MITF: variants seen among roughly 807,000 people sequenced by gnomAD.
MITF encodes microphthalmia-associated transcription factor.
In MITF, 17 loss-of-function variants were observed where a neutral mutation model predicts 60.5. That is an observed-to-expected ratio of 0.28 (90% CI 0.19 to 0.42). The LOEUF (loss-of-function observed/expected upper bound fraction) is 0.42. Among genes scored for constraint, MITF ranks in the 10% least tolerant of loss-of-function variants. MITF has a pLI of 1.00. For synonymous variants in MITF, 260 were observed against 248.5 expected (o/e 1.05, Z -0.43); for missense variants, 622 against 683.5 (o/e 0.91, Z 1.00).
At chr3:69,750,455 A>C (rs970917124) in intron 1 of MITF, among the ~76,000 whole-genome samples, 4 of 148,796 alleles carry the variant, frequency 2.7e-5, no homozygotes, top group Non-Finnish European at 5.9e-5. Flanking sequence ...CTGGCCTGAC[A>C]ATACAAGTGA....
At chr3:69,953,587 G>A (rs994652333) in intron 7 of MITF, among the ~76,000 whole-genome samples, 3 of 147,356 alleles carry the variant, frequency 2.0e-5, no homozygotes, top group Non-Finnish European at 4.5e-5. Flanking sequence ...GTGTATGTGT[G>A]TATATATATA....
At chr3:69,832,690 T>G (rs115218797) in intron 1 of MITF, among the ~76,000 whole-genome samples, 3 of 83,844 alleles carry the variant, frequency 3.6e-5, no homozygotes, top group Non-Finnish European at 5.8e-5. Context: ...AGTGTATGTG[T>G]TTTTTTTGCC....
At chr3:69,863,132 G>A (rs1387502782) in intron 1 of MITF, among the ~76,000 whole-genome samples, 1 of 152,136 alleles carries the variant, frequency 6.6e-6, no homozygotes, top group Non-Finnish European at 1.5e-5. Flanking sequence ...TCAAGCCATG[G>A]ACTGTTTATT....
At position 69,879,327 on chromosome 3, in the gene MITF, GTC is replaced by G; in HGVS notation, c.299_300del (p.Val100GlufsTer18). The G allele has an allele frequency of 6.2e-7, 1 of 1,614,190 alleles. No homozygotes were observed. On this transcript the variant is annotated frameshift_variant, in exon 2 of 10. Coordinates refer to ENST00000352241, the MANE Select transcript of MITF (RefSeq NM_001354604.2). LOFTEE classifies it high-confidence loss of function. The stretch of plus-strand genomic sequence containing the variant: ...CGTGAGTCAGACACCAGCCATAAAC[GTC>G]AGTGTGCCCACCACCCTTCCCTCTG... ...VPVSQTPAINVSVPTTLPSAT... is the reference protein window; with the variant it reads ...VPVSQTPAINXSVPTTLPSAT...
chr3:69,822,918 T>C (rs1275532916), intron 1 of MITF, among the ~76,000 whole-genome samples: 1 of 150,640 alleles, frequency 6.6e-6, no homozygotes, highest in Non-Finnish European at 1.5e-5. Context: ...TTTTTTTTTC[T>C]TGAAAGAGTC....
At chr3:69,910,255 T>G (rs919201108) in intron 2 of MITF, among the ~76,000 whole-genome samples, 5 of 152,218 alleles carry the variant, frequency 3.3e-5, no homozygotes, top group Non-Finnish European at 7.3e-5. Context: ...GAATTGAGGT[T>G]TGGGAACCTT....
chr3:69,796,758 G>A (rs930996202), intron 1 of MITF, among the ~76,000 whole-genome samples: 1 of 151,950 alleles, frequency 6.6e-6, no homozygotes, highest in Admixed American at 6.5e-5. Context: ...CACCCGCCTC[G>A]GCCTCCCAAA....
intron 1 of MITF, among the ~76,000 whole-genome samples, chr3:69,857,259 A>G (rs1304303255): frequency 6.6e-6 from 1 of 152,148 alleles, no homozygotes; most frequent in African/African-American, 2.4e-5. Context: ...AGAGAACCAT[A>G]GAGAGGAAAG....
At chr3:69,939,437 A>G (rs2065920449) in intron 4 of MITF, among the ~76,000 whole-genome samples, 1 of 152,120 alleles carries the variant, frequency 6.6e-6, no homozygotes, top group African/African-American at 2.4e-5. Flanking sequence ...CATAAATTTT[A>G]ATAAGATATG....
At chr3:69,805,378 T>C (rs1396093466) in intron 1 of MITF, among the ~76,000 whole-genome samples, 6 of 152,234 alleles carry the variant, frequency 3.9e-5, no homozygotes, top group Admixed American at 1.3e-4. Flanking sequence ...TTTTTAAGGA[T>C]TTCTTCCTTG....
intron 1 of MITF, among the ~76,000 whole-genome samples, chr3:69,775,006 TG>T (rs2062451345): frequency 6.6e-6 from 1 of 152,206 alleles, no homozygotes; most frequent in Admixed American, 6.5e-5. Flanking sequence ...CCTGCCATCT[TG>T]AACATTTTCC....
intron 1 of MITF, among the ~76,000 whole-genome samples, chr3:69,773,025 G>T (rs932319379): frequency 6.6e-5 from 10 of 152,298 alleles, no homozygotes; most frequent in African/African-American, 2.4e-4. Flanking sequence ...GCATGGCTGG[G>T]TTTGGGGTGA....
At chr3:69,774,470 TGGA>T (rs2062442583) in intron 1 of MITF, among the ~76,000 whole-genome samples, 1 of 152,204 alleles carries the variant, frequency 6.6e-6, no homozygotes, top group Non-Finnish European at 1.5e-5. Flanking sequence ...ATTTCCTCTG[TGGA>T]GAAGTATTGC....
chr3:69,753,617 C>G (rs1350334925), intron 1 of MITF, among the ~76,000 whole-genome samples: 1 of 152,240 alleles, frequency 6.6e-6, no homozygotes, highest in African/African-American at 2.4e-5. Context: ...AGGGGTGGAA[C>G]TGCCCAAGGC....
chr3:69,887,125 T>C lies in MITF; in HGVS notation c.354+7742T>C, dbSNP rs551439719. ...GGAACTTCATTTCTGGTGGTTTTTC[T>C]ATTTGCTTTTAAGTAAATGTCAGTG... On this transcript the variant is annotated intron_variant, in intron 2 of 9. Coordinates refer to ENST00000352241, the MANE Select transcript of MITF (RefSeq NM_001354604.2). Among the ~76,000 whole-genome samples, 8 of 152,240 alleles carry C rather than the reference T, an allele frequency of 5.3e-5. No individual in the cohort carries two copies. The East Asian group carries it at 9.7e-4, about 18-fold the overall frequency.
At chr3:69,798,940 C>A (rs550828414) in intron 1 of MITF, among the ~76,000 whole-genome samples, 1 of 152,256 alleles carries the variant, frequency 6.6e-6, no homozygotes, top group South Asian at 2.1e-4. Flanking sequence ...ACTTAATTTG[C>A]TTGTCCTTTT....
At chr3:69,890,748 C>T (rs751750676) in intron 2 of MITF, among the ~76,000 whole-genome samples, 19 of 152,040 alleles carry the variant, frequency 1.2e-4, no homozygotes, top group African/African-American at 2.4e-4. Flanking sequence ...AATTTTCAAC[C>T]GCTTATTAAA....
chr3:69,937,732 G>A (rs1011843917), intron 2 of MITF, 90 bp from the exon 3 acceptor site: 2 of 1,018,278 alleles, frequency 2.0e-6, no homozygotes, highest in African/African-American at 3.2e-5. Context: ...TTGGTGGCCT[G>A]GTCAGTTTCA....
At position 69,761,085 on chromosome 3, in the gene MITF, A is replaced by G. The variant is rs77030511; in HGVS notation, c.104+21384A>G. 9.0e-4 allele frequency among the ~76,000 whole-genome samples: 137 copies of G among 152,250 alleles called. No homozygotes were observed. The East Asian group carries it at 0.015, about 16-fold the overall frequency. On this transcript the variant is annotated intron_variant, in intron 1 of 9. Transcript: ENST00000352241. ...AGCATTTTTAAAGCCCTCTTTACAG[A>G]TATGCCTTGTGTTAGTGCTTTAGCC...
Sources: gnomAD v4.1 joint callset for allele counts (sites outside exome capture counted in the v4.1 genomes callset) on GRCh38, gnomAD v4.1.1 for gene constraint, MANE v1.5 for transcripts, NCBI Gene and HGNC (gene_info 2026-07-23, HGNC 2026-07-21) for gene names.